POU6F1: variants seen among roughly 807,000 people sequenced by gnomAD.
POU6F1 encodes the protein POU class 6 homeobox 1, also known as POU domain, class 6, transcription factor 1.
Under a neutral mutation model 28.9 loss-of-function variants are expected in POU6F1, and 9 were observed. The observed-to-expected ratio is 0.31, with a 90% CI of 0.19 to 0.54. The LOEUF (loss-of-function observed/expected upper bound fraction) is 0.54. Ranked by LOEUF, POU6F1 falls within the 20% of genes least tolerant of loss-of-function variation. The pLI is 0.94. For missense variants in POU6F1, 338 were observed against 426.1 expected (o/e 0.79, Z 1.82); for synonymous variants, 173 against 171.1 (o/e 1.01, Z -0.09).
chr12:51,208,798 G>A (rs938921561), intron 1 of POU6F1, among the ~76,000 whole-genome samples: 7 of 152,066 alleles, frequency 4.6e-5, no homozygotes, highest in East Asian at 1.9e-4. Context: ...GTAGCTGAGC[G>A]TAGTGGTGCA....
chr12:51,197,586 A>T (rs922287564), intron 6 of POU6F1, among the ~76,000 whole-genome samples, 184 bp downstream of exon 6: 4 of 152,036 alleles, frequency 2.6e-5, no homozygotes, highest in Non-Finnish European at 5.9e-5. Context: ...GTCTGCTTTT[A>T]TCTGGGATGG....
chr12:51,203,089 G>A (rs888619993), intron 3 of POU6F1, among the ~76,000 whole-genome samples: 3 of 152,030 alleles, frequency 2.0e-5, no homozygotes, highest in African/African-American at 7.2e-5. Flanking sequence ...AGAGGAGGAG[G>A]CGTTTGTGAA....
chr12:51,211,077 C>G (rs973340866), intron 1 of POU6F1, among the ~76,000 whole-genome samples: 2 of 152,184 alleles, frequency 1.3e-5, no homozygotes, highest in Non-Finnish European at 2.9e-5. Context: ...CTAGACAGCC[C>G]TCTTCAGTTT....
At chr12:51,205,034 C>CT (rs767521766) in intron 2 of POU6F1, among the ~76,000 whole-genome samples, 3,937 of 113,650 alleles carry the variant, frequency 0.035, 220 homozygotes, top group African/African-American at 0.046. Context: ...TGGACTGCAG[C>CT]TTTTTTTTTT....
intron 1 of POU6F1, among the ~76,000 whole-genome samples, chr12:51,214,890 G>A (rs574027716): frequency 1.1e-3 from 174 of 152,084 alleles, no homozygotes; most frequent in Non-Finnish European, 2.1e-3. Context: ...GCCCAAGAAG[G>A]TGAAGCTGCA....
At chr12:51,195,580 G>A (rs1942758693) in intron 8 of POU6F1, among the ~76,000 whole-genome samples, 1 of 152,208 alleles carries the variant, frequency 6.6e-6, no homozygotes, top group Non-Finnish European at 1.5e-5. Context: ...GCAGAGTGGA[G>A]GGGTGGAGGG....
At chr12:51,202,573 T>C (rs1236263208) in intron 3 of POU6F1, 1 of 152,090 alleles carries the variant, frequency 6.6e-6, no homozygotes, top group Admixed American at 6.6e-5. Context: ...TCAGGTGATC[T>C]GCCCATCTAG....
In POU6F1 at chr12:51,188,990, G is replaced by A. The variant is rs376736452; in HGVS notation, c.*1257C>T. 1.4e-4 allele frequency: 21 copies of A among 152,202 alleles called. 1 individual carries two copies. In the East Asian group the frequency reaches 4.0e-3, roughly 29 times the overall value. The allele number at this position is 152,202 out of a possible 1,614,324, so 9.4% of individuals were successfully genotyped here. A position where few individuals can be genotyped will look rare whatever the true frequency, so the allele number is the denominator to read the frequency against. On this transcript the variant is annotated 3_prime_UTR_variant, in exon 11 of 11. Coordinates refer to ENST00000333640, the MANE Select transcript of POU6F1 (RefSeq NM_001330422.2). ...AGCTTGGATGAGAGCTAACCCCCAA[G>A]GTACCATAGCTACCCCGTCTAGAAG...
At chr12:51,192,886 CAG>C (rs1942529066) in intron 8 of POU6F1, among the ~76,000 whole-genome samples, 2 of 149,254 alleles carry the variant, frequency 1.3e-5, no homozygotes, top group Admixed American at 1.3e-4. Context: ...GACTGGGCGA[CAG>C]AGTGAGACTC....
chr12:51,208,236 C>A (rs551658884), intron 1 of POU6F1, among the ~76,000 whole-genome samples: 2 of 151,722 alleles, frequency 1.3e-5, no homozygotes, highest in South Asian at 4.2e-4. Context: ...GCCTGGGAGG[C>A]AGAGGTTGCA....
intron 1 of POU6F1, among the ~76,000 whole-genome samples, chr12:51,214,106 C>T (rs10876154): frequency 0.56 from 85,183 of 151,508 alleles, 24,903 homozygotes; most frequent in Non-Finnish European, 0.66. Context: ...CATGCCATTG[C>T]ACTCCTGTCT....
chr12:51,193,352 A>C (rs955676158), intron 8 of POU6F1, among the ~76,000 whole-genome samples: 5 of 152,224 alleles, frequency 3.3e-5, no homozygotes, highest in Non-Finnish European at 5.9e-5. Context: ...AAGGGGGCGG[A>C]TCACCTGAAG....
In POU6F1 at chr12:51,190,319, C is replaced by T. The variant is rs1025427752; in HGVS notation, c.1764G>A (p.Val588=). 4 of 1,614,240 alleles carry T rather than the reference C, an allele frequency of 2.5e-6. No homozygotes were observed. Among genetic ancestry groups the T allele is most frequent in the East Asian group, 4.5e-5 (2 of 44,882 alleles). The change falls in exon 11 of 11, where the codon GTG becomes GTA. Residue 588 remains valine (V), a synonymous_variant. Coordinates refer to ENST00000333640, the MANE Select transcript of POU6F1 (RefSeq NM_001330422.2). This position sits in a 1 kb window ranked among gnomAD's most constrained non-coding sequence, Gnocchi z 4.5. ...GGCGCCGATTGCAGAACCAGACCCG[C>T]ACTACCTCACGGTCGTAGTTGAGCT... is the stretch of plus-strand genomic sequence containing the variant. ...AKELNYDREV[V]RVWFCNRRQT... is the part of the protein sequence containing the mutation.
chr12:51,192,288 G>A (rs755403961), intron 9 of POU6F1, 42 bp downstream of exon 9: 1 of 1,603,164 alleles, frequency 6.2e-7, no homozygotes, highest in Non-Finnish European at 8.5e-7. Context: ...CCACATAAAT[G>A]CCTCCCCACT....
intron 8 of POU6F1, among the ~76,000 whole-genome samples, chr12:51,194,279 G>T (rs549106138): frequency 2.0e-5 from 3 of 151,988 alleles, no homozygotes; most frequent in Admixed American, 2.0e-4. Flanking sequence ...CACCCGCCTC[G>T]GCCTACCAAA....
intron 1 of POU6F1, 139 bp from the exon 2 acceptor site, chr12:51,207,022 A>T (rs1369041750): frequency 2.6e-6 from 1 of 387,638 alleles, no homozygotes; most frequent in Non-Finnish European, 4.6e-6. Context: ...GTTAAAAAAA[A>T]AAAAAAGGAT....
intron 1 of POU6F1, among the ~76,000 whole-genome samples, chr12:51,216,880 C>A (rs779638105): frequency 2.0e-5 from 3 of 152,190 alleles, no homozygotes; most frequent in Admixed American, 6.5e-5. Flanking sequence ...GGCTTCCAGT[C>A]GGGCTGAGTG....
Position 51,190,429 on chromosome 12 carries a change from T to C in POU6F1, c.1654A>G (p.Thr552Ala), listed in dbSNP as rs763478521. The C allele has an allele frequency of 6.2e-7, 1 of 1,613,434 alleles. No individual in the cohort carries two copies. The highest frequency in any genetic ancestry group is 2.2e-5 in the East Asian group (1 of 44,852). ...TTGAGAGCCTCTATGGCCTGGGGGG[T>C]GAAGGAGGTGCGGCGTTTGCGTTTC... ...SKKRKRRTSF[T>A]PQAIEALNAY... The change falls in exon 11 of 11, where the codon ACC becomes GCC. Residue 552 changes from threonine to alanine, a missense_variant. Thr to Ala is a moderately conservative substitution (Grantham distance 58). Around this residue, in one of 3 missense-constraint regions of POU6F1, gnomAD observed 126 missense variants for 176.5 expected, o/e 0.71. Coordinates refer to ENST00000333640, the MANE Select transcript of POU6F1 (RefSeq NM_001330422.2). This position sits in a 1 kb window ranked among gnomAD's most constrained non-coding sequence, Gnocchi z 4.5.
At position 51,199,686 on chromosome 12, in the gene POU6F1, G is replaced by C. The variant is rs1943081625; in HGVS notation, c.366+61C>G. ...CAGATTCCATGGCTTCCCCATGCTGGCTGTCCCATGCCTCGCTCCTGCCCC... is the reference window on the plus strand; with the variant it reads ...CAGATTCCATGGCTTCCCCATGCTGCCTGTCCCATGCCTCGCTCCTGCCCC... On this transcript the variant is annotated intron_variant, in intron 4 of 10. Transcript: ENST00000333640. The surrounding 1 kb of genome is among the most constrained non-coding windows in gnomAD (Gnocchi z 4.1). 1.0e-5 allele frequency: 4 copies of C among 398,960 alleles called. No individual in the cohort carries two copies. In the East Asian group the frequency reaches 1.4e-4, roughly 14 times the overall value. 24.7% of individuals were successfully genotyped at this position (398,960 alleles called of 1,614,324 possible). A position where few individuals can be genotyped will look rare whatever the true frequency, so the allele number is the denominator to read the frequency against.
Sources: gnomAD v4.1 joint callset for allele counts (sites outside exome capture counted in the v4.1 genomes callset) on GRCh38, gnomAD v4.1.1 for gene constraint, gnomAD v4.1.1 regional missense constraint, Gnocchi (gnomAD v3.1) non-coding constraint, MANE v1.5 for transcripts, NCBI Gene and HGNC (gene_info 2026-07-23, HGNC 2026-07-21) for gene names.